DMD: variants seen among roughly 807,000 people sequenced by gnomAD.
The protein encoded by DMD is dystrophin.
In DMD, 63 loss-of-function variants were observed where a neutral mutation model predicts 330.1. That is an observed-to-expected ratio of 0.19 (90% CI 0.16 to 0.24). The LOEUF (loss-of-function observed/expected upper bound fraction) is 0.24, where lower values mean the gene tolerates loss of function less well. Ranked by LOEUF, DMD falls within the 10% of genes least tolerant of loss-of-function variation. DMD has a pLI of 1.00. For synonymous variants in DMD, 1,223 were observed against 959.8 expected (o/e 1.27, Z -5.07); for missense variants, 3,344 against 2,684.1 (o/e 1.25, Z -5.43).
At chrX:32,820,414 C>G (rs2078142203) in intron 5 of DMD, among the ~76,000 whole-genome samples, 1 of 110,684 alleles carries the variant, frequency 9.0e-6, no homozygotes, top group Admixed American at 9.6e-5. Flanking sequence ...TGCACTCCAG[C>G]CTGGGTGACA....
At chrX:32,760,037 T>C (rs532836267) in intron 7 of DMD, among the ~76,000 whole-genome samples, 5 of 112,321 alleles carry the variant, frequency 4.5e-5, no homozygotes, top group African/African-American at 1.6e-4. Flanking sequence ...TAAATCTGCA[T>C]TGAAAAATGG....
chrX:33,119,807 T>C (rs1228271877), intron 1 of DMD, among the ~76,000 whole-genome samples: 1 of 111,844 alleles, frequency 8.9e-6, no homozygotes, highest in Admixed American at 9.5e-5. Flanking sequence ...GGGATTATTG[T>C]AGTATCTAAG....
intron 2 of DMD, among the ~76,000 whole-genome samples, chrX:32,930,521 C>T (rs758395365): frequency 4.5e-5 from 5 of 110,843 alleles, no homozygotes; most frequent in Admixed American, 1.9e-4. Context: ...CTAATCAAGA[C>T]GCTTTTAAAT....
chrX:31,779,907 G>A (rs16989824), intron 50 of DMD, among the ~76,000 whole-genome samples: 2,668 of 112,083 alleles, frequency 0.024, 82 homozygotes, highest in African/African-American at 0.082. Flanking sequence ...AATGAATTGA[G>A]TTTGGCACAC....
At chrX:31,694,007 C>T (rs747956173) in intron 52 of DMD, among the ~76,000 whole-genome samples, 4 of 111,205 alleles carry the variant, frequency 3.6e-5, no homozygotes, top group Non-Finnish European at 7.6e-5. Flanking sequence ...TACTGGATTT[C>T]AAAATGTATT....
In DMD at chrX:31,920,728, T is replaced by C. The variant is rs750680364; in HGVS notation, c.6912+8868A>G. On this transcript the variant is annotated intron_variant, in intron 47 of 78. Transcript: ENST00000357033. ...CATTTATACTCTTCATCATTTTAAA[T>C]CCATCATGAACGGGGAGGAGAGATT... Among the ~76,000 whole-genome samples, 8 of 112,175 alleles carry C rather than the reference T, an allele frequency of 7.1e-5. No individual in the cohort carries two copies. The Admixed American group carries it at 7.6e-4, about 11-fold the overall frequency.
At chrX:31,617,590 T>C (rs1349170212) in intron 55 of DMD, among the ~76,000 whole-genome samples, 2 of 106,816 alleles carry the variant, frequency 1.9e-5, no homozygotes, top group Non-Finnish European at 3.9e-5. Context: ...CTGGTGAGGT[T>C]GTGAAGAAAG....
At chrX:33,204,577 C>T (rs1189618079) in intron 1 of DMD, among the ~76,000 whole-genome samples, 1 of 111,441 alleles carries the variant, frequency 9.0e-6, no homozygotes, top group Non-Finnish European at 1.9e-5. Flanking sequence ...GCCCTTATCT[C>T]CAATGCAAGT....
intron 37 of DMD, among the ~76,000 whole-genome samples, chrX:32,349,520 C>T (rs1368874444): frequency 9.0e-6 from 1 of 111,397 alleles, no homozygotes; most frequent in Admixed American, 9.5e-5. Flanking sequence ...AAGACGATTA[C>T]ATTCATCAAG....
rs765448363 is a variant in DMD, at chrX:31,230,662, AAG to A, written c.9287-7543_9287-7542del. Among the ~76,000 whole-genome samples, 709 of 106,515 alleles carry A rather than the reference AAG, an allele frequency of 6.7e-3. 4 individuals carry two copies. Among genetic ancestry groups the A allele is most frequent in the Middle Eastern group, 0.042 (9 of 215 alleles). The allele number at this position is 106,515 out of a possible 115,157, so 92.5% of individuals were successfully genotyped here. A position where few individuals can be genotyped will look rare whatever the true frequency, so the allele number is the denominator to read the frequency against. On this transcript the variant is annotated intron_variant, in intron 63 of 78. Coordinates refer to ENST00000357033, the MANE Select transcript of DMD (RefSeq NM_004006.3). ...AGACTCCATCTCAAGAAAAAAAAAA[AAG>A]GGAGAGAAGCAATAAAGTACCTAGT...
chrX:31,698,835 C>G (rs1680353821), intron 52 of DMD, among the ~76,000 whole-genome samples: 1 of 111,736 alleles, frequency 8.9e-6, no homozygotes, highest in Admixed American at 9.5e-5. Flanking sequence ...ATCCTGGCCA[C>G]TATGATGACC....
intron 2 of DMD, among the ~76,000 whole-genome samples, chrX:32,905,759 C>G (rs1380935001): frequency 9.0e-6 from 1 of 111,283 alleles, no homozygotes; most frequent in East Asian, 2.8e-4. Context: ...AGATTTTGCA[C>G]AAGATGATTC....
chrX:31,690,885 G>A (rs1168627863), intron 52 of DMD, among the ~76,000 whole-genome samples: 11 of 110,556 alleles, frequency 9.9e-5, no homozygotes, highest in South Asian at 3.9e-4. Context: ...ACCAAACACC[G>A]CATGTTCTCA....
intron 62 of DMD, among the ~76,000 whole-genome samples, chrX:31,301,889 C>T (rs1465145665): frequency 8.9e-6 from 1 of 111,830 alleles, no homozygotes; most frequent in African/African-American, 3.2e-5. Context: ...TGAAGTTACT[C>T]TACCTCTGGA....
intron 43 of DMD, among the ~76,000 whole-genome samples, chrX:32,219,584 C>T (rs773762337): frequency 1.8e-5 from 2 of 111,639 alleles, no homozygotes; most frequent in Admixed American, 1.9e-4. Context: ...CCTCCTCCTG[C>T]TACCACAGTC....
At chrX:31,146,736 T>C (rs2036746508) in intron 75 of DMD, among the ~76,000 whole-genome samples, 1 of 112,278 alleles carries the variant, frequency 8.9e-6, no homozygotes, top group Admixed American at 9.4e-5. Context: ...CTCAAAACTG[T>C]AATGGAAGAT....
chrX:33,076,723 G>T (rs2094847388), intron 1 of DMD, among the ~76,000 whole-genome samples: 1 of 111,999 alleles, frequency 8.9e-6, no homozygotes, highest in Non-Finnish European at 1.9e-5. Context: ...GCAAGAAAAT[G>T]AAAGCTTTAC....
chrX:31,469,445 G>C (rs2067131347), intron 59 of DMD, among the ~76,000 whole-genome samples: 1 of 111,819 alleles, frequency 8.9e-6, no homozygotes, highest in Non-Finnish European at 1.9e-5. Context: ...AGTTTGGCTG[G>C]ATATGAAATT....
chrX:32,624,644 T>C (rs909900915), intron 11 of DMD, among the ~76,000 whole-genome samples: 3 of 111,748 alleles, frequency 2.7e-5, no homozygotes, highest in Admixed American at 9.5e-5. Flanking sequence ...TTCTAACAAC[T>C]GCCCAAGGGA....
Sources: allele counts gnomAD v4.1 joint callset (sites outside exome capture counted in the v4.1 genomes callset), GRCh38; gene constraint gnomAD v4.1.1; transcripts MANE v1.5; gene names NCBI Gene and HGNC (gene_info 2026-07-23, HGNC 2026-07-21).